Variants in RSU1 observed in about 807,000 individuals in gnomAD.
RSU1 encodes Ras suppressor protein 1.
A neutral mutation model predicts 31.1 loss-of-function variants in RSU1; 26 were observed. The ratio of observed to expected loss-of-function variants is 0.84; its 90% CI spans 0.61 to 1.16. The LOEUF (loss-of-function observed/expected upper bound fraction) is 1.16. RSU1 is among the 50% of genes most tolerant of loss of function. The pLI is 0.00. For synonymous variants in RSU1, 164 were observed against 136.3 expected (o/e 1.20, Z -1.41); for missense variants, 320 against 339.1 (o/e 0.94, Z 0.44).
chr10:16,634,175 T>C (rs1834307394), intron 8 of RSU1, among the ~76,000 whole-genome samples: 2 of 152,202 alleles, frequency 1.3e-5, no homozygotes, highest in Non-Finnish European at 1.5e-5. Context: ...CTTATTTAGA[T>C]ACATTTACAG....
Position 16,640,269 on chromosome 10 carries a change from G to T in RSU1, c.732-46773C>A, listed in dbSNP as rs572589521. Among the ~76,000 whole-genome samples the T allele has an allele frequency of 2.0e-5, 3 of 152,006 alleles. No homozygotes were observed. In the East Asian group the frequency reaches 5.8e-4, roughly 29 times the overall value. On this transcript the variant is annotated intron_variant, in intron 8 of 8. Coordinates refer to ENST00000345264, the MANE Select transcript of RSU1 (RefSeq NM_012425.4). ...AGCATAACCCCGAGAAACAACCCTTGATATTTCACACCTCCTCTTATCTAA... is the reference window on the plus strand; with the variant it reads ...AGCATAACCCCGAGAAACAACCCTTTATATTTCACACCTCCTCTTATCTAA...
chr10:16,769,396 T>C (rs1165593677), intron 3 of RSU1, among the ~76,000 whole-genome samples: 1 of 152,254 alleles, frequency 6.6e-6, no homozygotes, highest in Non-Finnish European at 1.5e-5. Context: ...AGCAGCCCCA[T>C]TTCAAGAGCT....
intron 8 of RSU1, among the ~76,000 whole-genome samples, chr10:16,639,459 T>C (rs1327517684): frequency 6.6e-6 from 1 of 152,304 alleles, no homozygotes; most frequent in Non-Finnish European, 1.5e-5. Flanking sequence ...ATCCTATTGA[T>C]TAGTATTAAA....
chr10:16,745,682 T>C (rs1056592192), intron 7 of RSU1, among the ~76,000 whole-genome samples: 1 of 151,768 alleles, frequency 6.6e-6, no homozygotes, highest in African/African-American at 2.4e-5. Context: ...CCACAACGCG[T>C]GGGAATTATG....
At chr10:16,754,007 T>C (rs1429240949) in intron 5 of RSU1, among the ~76,000 whole-genome samples, 1 of 152,166 alleles carries the variant, frequency 6.6e-6, no homozygotes, top group Non-Finnish European at 1.5e-5. Flanking sequence ...GTGATCTTTG[T>C]AGCTCATACT....
At position 16,771,118 on chromosome 10, in the gene RSU1, G is replaced by A. The variant is rs114775020; in HGVS notation, c.161-6608C>T. On this transcript the variant is annotated intron_variant, in intron 3 of 8. Coordinates refer to ENST00000345264, the MANE Select transcript of RSU1 (RefSeq NM_012425.4). Reference sequence around the variant, plus strand: ...GATATTAAAATTAGCTTGTTATTTAGATAACTTAGTATGTTACATTACTAC... The same window carrying A: ...GATATTAAAATTAGCTTGTTATTTAAATAACTTAGTATGTTACATTACTAC... Among the ~76,000 whole-genome samples, 565 of 152,176 alleles carry A rather than the reference G, an allele frequency of 3.7e-3. 4 individuals carry two copies. Among genetic ancestry groups the A allele is most frequent in the African/African-American group, 0.013 (542 of 41,530 alleles).
chr10:16,635,095 G>A (rs968506486), intron 8 of RSU1, among the ~76,000 whole-genome samples: 4 of 152,164 alleles, frequency 2.6e-5, no homozygotes, highest in Admixed American at 2.0e-4. Flanking sequence ...AGCTGTATTC[G>A]TAACAGCCTC....
At chr10:16,740,084 C>A (rs1465954016) in intron 7 of RSU1, among the ~76,000 whole-genome samples, 2 of 152,066 alleles carry the variant, frequency 1.3e-5, no homozygotes, top group African/African-American at 4.8e-5. Flanking sequence ...AAAAGAAAAA[C>A]TATCAAATTT....
At chr10:16,776,260 T>A (rs1837528569) in intron 3 of RSU1, among the ~76,000 whole-genome samples, 1 of 152,244 alleles carries the variant, frequency 6.6e-6, no homozygotes, top group Admixed American at 6.5e-5. Flanking sequence ...ATTTTAAGAA[T>A]GCAGTATTTT....
intron 8 of RSU1, among the ~76,000 whole-genome samples, chr10:16,680,537 C>A (rs539374201): frequency 1.3e-5 from 2 of 152,150 alleles, no homozygotes; most frequent in East Asian, 1.9e-4. Context: ...CTAGGGAGGC[C>A]TCAGGAAGTT....
At chr10:16,652,727 G>A (rs1447199626) in intron 8 of RSU1, among the ~76,000 whole-genome samples, 1 of 152,102 alleles carries the variant, frequency 6.6e-6, no homozygotes, top group African/African-American at 2.4e-5. Context: ...CTGCCACCCA[G>A]GCTGGAGTGC....
intron 2 of RSU1, among the ~76,000 whole-genome samples, chr10:16,811,510 T>C (rs1236002662): frequency 1.3e-5 from 2 of 151,974 alleles, no homozygotes; most frequent in Non-Finnish European, 2.9e-5. Flanking sequence ...TGCCCAAGGA[T>C]ACACAGCTAG....
intron 8 of RSU1, among the ~76,000 whole-genome samples, chr10:16,608,796 A>T (rs1397211733): frequency 2.6e-5 from 4 of 152,158 alleles, no homozygotes; most frequent in Non-Finnish European, 2.9e-5. Context: ...GTTTAAAAAA[A>T]TACTTGTAGC....
intron 7 of RSU1, among the ~76,000 whole-genome samples, chr10:16,725,094 TGTC>T (rs1391667082): frequency 6.6e-6 from 1 of 152,226 alleles, no homozygotes; most frequent in African/African-American, 2.4e-5. Context: ...CCTGAATAGT[TGTC>T]GTGAGTTTTG....
At chr10:16,790,940 C>T (rs1837900527) in intron 2 of RSU1, among the ~76,000 whole-genome samples, 1 of 152,174 alleles carries the variant, frequency 6.6e-6, no homozygotes, top group Non-Finnish European at 1.5e-5. Context: ...GCCAATTAAA[C>T]CTCTTTTCTT....
intron 4 of RSU1, among the ~76,000 whole-genome samples, chr10:16,759,451 G>T (rs1300982229): frequency 1.3e-5 from 2 of 152,204 alleles, no homozygotes; most frequent in Non-Finnish European, 1.5e-5. Context: ...AGGTTGCAGT[G>T]AGCGGAGAGC....
chr10:16,667,063 A>AG (rs1323091820), intron 8 of RSU1, among the ~76,000 whole-genome samples: 4 of 152,024 alleles, frequency 2.6e-5, no homozygotes, highest in Non-Finnish European at 5.9e-5. Context: ...CAAAAAACAA[A>AG]GAAAAAAACA....
At position 16,814,461 on chromosome 10, in the gene RSU1, A is replaced by AAAAT. The variant is rs1554777370; in HGVS notation, c.109+2511_109+2512insATTT. Reference sequence around the variant, plus strand: ...AGACCCTGTTTTCAGGAAAAAAAAAAAAAAAAAGAAAAAAAAATTCTTACA... The same window carrying AAAAT: ...AGACCCTGTTTTCAGGAAAAAAAAAAAAATAAAAAAAGAAAAAAAAATTCTTACA... On this transcript the variant is annotated intron_variant, in intron 2 of 8. Transcript: ENST00000345264. Among the ~76,000 whole-genome samples, 11 of 146,132 alleles carry AAAAT rather than the reference A, an allele frequency of 7.5e-5. No individual in the cohort carries two copies. The Admixed American group carries it at 7.5e-4, about 10-fold the overall frequency.
chr10:16,797,668 C>T (rs1003044965), intron 2 of RSU1, among the ~76,000 whole-genome samples: 6 of 152,036 alleles, frequency 3.9e-5, no homozygotes, highest in Non-Finnish European at 5.9e-5. Context: ...AACAATGATA[C>T]ATGACACAAA....
Sources: gnomAD v4.1 joint callset for allele counts (sites outside exome capture counted in the v4.1 genomes callset) on GRCh38, gnomAD v4.1.1 for gene constraint, MANE v1.5 for transcripts, NCBI Gene and HGNC (gene_info 2026-07-23, HGNC 2026-07-21) for gene names.